Variants in CHST12 observed in about 807,000 individuals in gnomAD.
CHST12 encodes the protein carbohydrate sulfotransferase 12.
CHST12 carries 23 observed loss-of-function variants against 27.9 expected under a neutral mutation model. The ratio of observed to expected loss-of-function variants is 0.82; its 90% CI spans 0.59 to 1.17. The LOEUF is 1.17. Ranked by LOEUF, CHST12 falls within the 50% of genes most tolerant of loss-of-function variation. The pLI is 0.00. For synonymous variants in CHST12, 322 were observed against 273.0 expected (o/e 1.18, Z -1.77); for missense variants, 682 against 603.0 (o/e 1.13, Z -1.37).
chr7:2,444,640 G>C lies in CHST12; in HGVS notation c.*10756G>C, dbSNP rs948682001. The C allele has an allele frequency of 6.6e-6, 1 of 152,252 alleles. No homozygotes were observed. Among genetic ancestry groups the C allele is most frequent in the East Asian group, 1.9e-4 (1 of 5,192 alleles). The allele number at this position is 152,252 out of a possible 1,614,324, so 9.4% of individuals were successfully genotyped here. On this transcript the variant is annotated 3_prime_UTR_variant, in exon 2 of 2. Transcript: ENST00000618655. ...TGTTAGGCTCTGAAGCCGTGGGCCA[G>C]GCCAAGACAGAGATTCTGAGGCATG...
At chr7:2,408,691 T>G (rs1246428078) in intron 1 of CHST12, among the ~76,000 whole-genome samples, 1 of 152,152 alleles carries the variant, frequency 6.6e-6, no homozygotes, top group African/African-American at 2.4e-5. Flanking sequence ...AACTTCAGAC[T>G]TGCTCCCAGA....
rs1020569067 is a variant in CHST12, at chr7:2,447,770, G to T, written c.*13886G>T. 3 of 151,954 alleles carry T rather than the reference G, an allele frequency of 2.0e-5. No individual in the cohort carries two copies. The highest frequency in any genetic ancestry group is 4.4e-5 in the Non-Finnish European group (3 of 68,002). 9.4% of individuals were successfully genotyped at this position (151,954 alleles called of 1,614,324 possible). A position where few individuals can be genotyped will look rare whatever the true frequency, so the allele number is the denominator to read the frequency against. On this transcript the variant is annotated 3_prime_UTR_variant, in exon 2 of 2. Coordinates refer to ENST00000618655, the MANE Select transcript of CHST12 (RefSeq NM_018641.5). ...TTACAAGCATGAGCCACTGCGCCCG[G>T]CCACAAACACTTTTTTTTTTTTAAA...
At chr7:2,420,377 TA>T (rs1371829586) in intron 1 of CHST12, among the ~76,000 whole-genome samples, 1 of 152,152 alleles carries the variant, frequency 6.6e-6, no homozygotes, top group Non-Finnish European at 1.5e-5. Context: ...GAAGGCTGAG[TA>T]ATATTCTACT....
chr7:2,410,808 G>A (rs1781645253), intron 1 of CHST12, among the ~76,000 whole-genome samples: 1 of 151,980 alleles, frequency 6.6e-6, no homozygotes, highest in African/African-American at 2.4e-5. Context: ...GATAGAAGAG[G>A]AGATCAGTGG....
At chr7:2,416,888 G>A (rs1412496761) in intron 1 of CHST12, among the ~76,000 whole-genome samples, 1 of 152,098 alleles carries the variant, frequency 6.6e-6, no homozygotes, top group African/African-American at 2.4e-5. Flanking sequence ...CGCCTTCTCC[G>A]CACAGTAAAT....
rs758988286 is a variant in CHST12 at position 2,433,008 on chromosome 7, G to A, written c.369G>A (p.Glu123=). Residue 123 remains glutamate (E), a synonymous_variant, in exon 2 of 2, where the codon GAG becomes GAA. Coordinates refer to ENST00000618655, the MANE Select transcript of CHST12 (RefSeq NM_018641.5). The surrounding 1 kb of genome is among the most constrained non-coding windows in gnomAD (Gnocchi z 6.1). ...CAGACCAGGGCCGGCAGCAGGCGGA[G>A]CGGAGGAGCGTGCTGCGGGGCTTCT... ...RSPDQGRQQA[E]RRSVLRGFCA... is the part of the protein sequence containing the mutation. 1.4e-5 allele frequency: 22 copies of A among 1,610,972 alleles called. No individual in the cohort carries two copies. Among genetic ancestry groups the A allele is most frequent in the Middle Eastern group, 1.7e-4 (1 of 6,058 alleles).
intron 1 of CHST12, among the ~76,000 whole-genome samples, chr7:2,408,216 G>T (rs891925578): frequency 6.6e-6 from 1 of 151,916 alleles, no homozygotes; most frequent in Admixed American, 6.6e-5. Flanking sequence ...ACAAAAATTA[G>T]CCAGGTATGG....
intron 1 of CHST12, among the ~76,000 whole-genome samples, chr7:2,408,647 T>C (rs1403933259): frequency 3.9e-5 from 6 of 152,144 alleles, no homozygotes; most frequent in Non-Finnish European, 8.8e-5. Context: ...AGCCTGGAAG[T>C]CTACACTCAG....
chr7:2,445,400 G>T lies in CHST12; in HGVS notation c.*11516G>T, dbSNP rs1167587345. On this transcript the variant is annotated 3_prime_UTR_variant, in exon 2 of 2. Transcript: ENST00000618655. ...CCCCCAGGGCATTCGAGAAAAGGGTGCTTGTCTCTTGGTGAGAGGGCCACG... is the reference window on the plus strand; with the variant it reads ...CCCCCAGGGCATTCGAGAAAAGGGTTCTTGTCTCTTGGTGAGAGGGCCACG... 1 of 152,266 alleles carries T rather than the reference G, an allele frequency of 6.6e-6. No individual in the cohort carries two copies. Among genetic ancestry groups the T allele is most frequent in the Non-Finnish European group, 1.5e-5 (1 of 68,060 alleles). 9.4% of individuals were successfully genotyped at this position (152,266 alleles called of 1,614,324 possible). A position where few individuals can be genotyped will look rare whatever the true frequency, so the allele number is the denominator to read the frequency against.
chr7:2,448,310 T>C lies in CHST12; in HGVS notation c.*14426T>C, dbSNP rs1027211260. The C allele has an allele frequency of 2.0e-5, 3 of 152,236 alleles. No individual in the cohort carries two copies. Among genetic ancestry groups the C allele is most frequent in the African/African-American group, 4.8e-5 (2 of 41,442 alleles). The allele number at this position is 152,236 out of a possible 1,614,324, so 9.4% of individuals were successfully genotyped here. A position where few individuals can be genotyped will look rare whatever the true frequency, so the allele number is the denominator to read the frequency against. ...CTTGAATGGCGGGCTCCCTCTCCCA[T>C]AGCCCCTGCCAGGCTGGATAACCAA... On this transcript the variant is annotated 3_prime_UTR_variant, in exon 2 of 2. Transcript: ENST00000618655.
intron 1 of CHST12, among the ~76,000 whole-genome samples, chr7:2,407,268 A>G (rs1304674939): frequency 6.6e-6 from 1 of 152,156 alleles, no homozygotes; most frequent in African/African-American, 2.4e-5. Flanking sequence ...CAACATAGCA[A>G]GACCCCCATC....
chr7:2,425,203 CAAA>C (rs144902925), intron 1 of CHST12, among the ~76,000 whole-genome samples: 20,068 of 71,606 alleles, frequency 0.28, 1,526 homozygotes, highest in African/African-American at 0.36. Context: ...GACTCCGTCT[CAAA>C]AAAAAAAAAA....
At chr7:2,411,493 T>TC (rs1455489890) in intron 1 of CHST12, among the ~76,000 whole-genome samples, 3 of 129,240 alleles carry the variant, frequency 2.3e-5, no homozygotes, top group African/African-American at 9.4e-5. Context: ...CTTAACTCTT[T>TC]TTTTTTTTTT....
intron 1 of CHST12, among the ~76,000 whole-genome samples, chr7:2,414,705 C>T (rs1224721287): frequency 6.6e-6 from 1 of 152,110 alleles, no homozygotes; most frequent in East Asian, 1.9e-4. Context: ...TTGCCTTCTC[C>T]CAAGTCATGG....
intron 1 of CHST12, among the ~76,000 whole-genome samples, chr7:2,418,074 T>G (rs6972852): frequency 1.3e-5 from 2 of 152,172 alleles, no homozygotes; most frequent in Admixed American, 1.3e-4. Flanking sequence ...CTGTCTGTGC[T>G]AGCTGCCTTT....
chr7:2,433,586 C>G lies in CHST12; in HGVS notation c.947C>G (p.Ala316Gly). The G allele has an allele frequency of 2.5e-6, 4 of 1,613,630 alleles. No homozygotes were observed. Among genetic ancestry groups the G allele is most frequent in the Non-Finnish European group, 2.5e-6 (3 of 1,180,004 alleles). The change falls in exon 2 of 2, where the codon GCG (alanine) becomes GGG (glycine). Residue 316 changes from alanine to glycine, a missense_variant. Physicochemically the swap from Ala to Gly is moderately conservative, Grantham distance 60. Coordinates refer to ENST00000618655, the MANE Select transcript of CHST12 (RefSeq NM_018641.5). This position sits in a 1 kb window ranked among gnomAD's most constrained non-coding sequence, Gnocchi z 6.1. ...YLLDPHTEKL[A>G]PFNEHWRQVY... ...CTGGACCCGCACACGGAGAAGCTGG[C>G]GCCCTTCAACGAGCACTGGCGGCAG...
chr7:2,428,590 G>A (rs1266192582), intron 1 of CHST12, among the ~76,000 whole-genome samples: 1 of 152,176 alleles, frequency 6.6e-6, no homozygotes, highest in Non-Finnish European at 1.5e-5. Context: ...GCGGGGGTAG[G>A]TTAGTGAGGG....
At chr7:2,422,631 G>A (rs899544557) in intron 1 of CHST12, among the ~76,000 whole-genome samples, 1 of 151,818 alleles carries the variant, frequency 6.6e-6, no homozygotes, top group African/African-American at 2.4e-5. Context: ...CGACTCCCGG[G>A]TTCAAGCGAT....
Position 2,434,000 on chromosome 7 carries a change from C to A in CHST12, c.*116C>A. 3.9e-6 allele frequency: 3 copies of A among 763,638 alleles called. No homozygotes were observed. The highest frequency in any genetic ancestry group is 6.6e-6 in the Non-Finnish European group (3 of 455,706). 47.3% of individuals were successfully genotyped at this position (763,638 alleles called of 1,614,324 possible). ...TCTTGTTCACTCCACTGCCTCTATC[C>A]ATTGAGTACTGTATCGATATTGTTT... On this transcript the variant is annotated 3_prime_UTR_variant, in exon 2 of 2. Coordinates refer to ENST00000618655, the MANE Select transcript of CHST12 (RefSeq NM_018641.5). This position sits in a 1 kb window ranked among gnomAD's most constrained non-coding sequence, Gnocchi z 6.1.
Sources: allele counts gnomAD v4.1 joint callset (sites outside exome capture counted in the v4.1 genomes callset), GRCh38; gene constraint gnomAD v4.1.1; non-coding constraint Gnocchi (gnomAD v3.1); transcripts MANE v1.5; gene names NCBI Gene and HGNC (gene_info 2026-07-23, HGNC 2026-07-21).